The following LINGO1 variants were observed in gnomAD, a reference collection of about 807,000 sequenced individuals.
The protein encoded by LINGO1 is leucine-rich repeat and immunoglobulin-like domain-containing nogo receptor-interacting protein 1.
A neutral mutation model predicts 37.3 loss-of-function variants in LINGO1; 11 were observed. The ratio of observed to expected loss-of-function variants is 0.29; its 90% CI spans 0.19 to 0.49. The LOEUF is 0.49. LINGO1 is among the 20% of genes least tolerant of loss of function. LINGO1 has a pLI of 0.99. For missense variants in LINGO1, 585 were observed against 878.2 expected, an observed-to-expected ratio of 0.67 and a Z score of 4.22; for synonymous variants, 387 against 403.0, an observed-to-expected ratio of 0.96 and a Z score of 0.48.
chr15:77,673,409 C>T (rs559888380), intron 3 of LINGO1, among the ~76,000 whole-genome samples: 197 of 151,066 alleles, frequency 1.3e-3, no homozygotes, highest in African/African-American at 4.4e-3. Flanking sequence ...AGATGCATTT[C>T]ACCGCCCCAA....
chr15:77,682,845 C>G (rs115071755), intron 2 of LINGO1, among the ~76,000 whole-genome samples: 2 of 152,072 alleles, frequency 1.3e-5, no homozygotes, highest in African/African-American at 2.4e-5. Flanking sequence ...CCAGGCCAGA[C>G]GCGAAACTCC....
intron 1 of LINGO1, among the ~76,000 whole-genome samples, chr15:77,744,778 C>G (rs1484082618): frequency 6.6e-6 from 1 of 152,164 alleles, no homozygotes; most frequent in African/African-American, 2.4e-5. Context: ...GCTGGACAGG[C>G]TGGCTCCAGA....
Position 77,661,127 on chromosome 15 carries a change from G to A in LINGO1, c.-13+15962C>T, listed in dbSNP as rs899279113. ...TGGCCTGGGTGGGCAGGCTGGGATG[G>A]GTTAGCTTCATCCCTTGCCCTCAGG... On this transcript the variant is annotated intron_variant, in intron 3 of 3. Coordinates refer to the LINGO1 transcript ENST00000559893. Among the ~76,000 whole-genome samples, 31 of 152,292 alleles carry A rather than the reference G, an allele frequency of 2.0e-4. 1 individual carries two copies. Among genetic ancestry groups the A allele is most frequent in the South Asian group, 2.1e-4 (1 of 4,822 alleles).
At chr15:77,728,757 C>T (rs1176665196) in intron 2 of LINGO1, among the ~76,000 whole-genome samples, 1 of 152,264 alleles carries the variant, frequency 6.6e-6, no homozygotes, top group Non-Finnish European at 1.5e-5. Flanking sequence ...CACTCTGCCA[C>T]TTAAGGACTG....
chr15:77,742,996 C>T (rs543949536), intron 1 of LINGO1, among the ~76,000 whole-genome samples: 4 of 152,316 alleles, frequency 2.6e-5, no homozygotes, highest in East Asian at 1.9e-4. Flanking sequence ...CGGTGGTGCA[C>T]GGGTGCACAG....
chr15:77,705,055 C>T (rs889931466), intron 2 of LINGO1, among the ~76,000 whole-genome samples: 1 of 152,026 alleles, frequency 6.6e-6, no homozygotes, highest in Admixed American at 6.5e-5. Context: ...GCCGGCTCAT[C>T]CCTGGCAGGG....
At chr15:77,753,203 G>T (rs2076388176) in intron 1 of LINGO1, among the ~76,000 whole-genome samples, 1 of 152,258 alleles carries the variant, frequency 6.6e-6, no homozygotes, top group African/African-American at 2.4e-5. Context: ...CACAGTAGGT[G>T]CTTGCCCAGT....
intron 1 of LINGO1, among the ~76,000 whole-genome samples, chr15:77,618,833 GA>G (rs1244021545): frequency 0.83 from 20 of 24 alleles, 10 homozygotes; most frequent in African/African-American, 1. Context: ...CTGACCTCGT[GA>G]TCCGCCCGCC....
chr15:77,687,606 C>G (rs2075533977), intron 2 of LINGO1, among the ~76,000 whole-genome samples: 1 of 152,216 alleles, frequency 6.6e-6, no homozygotes, highest in Non-Finnish European at 1.5e-5. Flanking sequence ...CCCCACCTAG[C>G]CTTCAAAAAC....
At chr15:77,720,321 C>A (rs1353359709) in intron 2 of LINGO1, among the ~76,000 whole-genome samples, 1 of 152,376 alleles carries the variant, frequency 6.6e-6, no homozygotes, top group East Asian at 1.9e-4. Flanking sequence ...GTGCCCCGGC[C>A]TGTCCCGCCC....
intron 1 of LINGO1, among the ~76,000 whole-genome samples, chr15:77,623,952 A>G: frequency 7.6e-6 from 1 of 132,380 alleles, no homozygotes; most frequent in African/African-American, 3.0e-5. Context: ...TGTGGTGTGT[A>G]AGCAGTCTCT....
At chr15:77,759,175 A>G (rs1330161698) in intron 1 of LINGO1, among the ~76,000 whole-genome samples, 1 of 152,206 alleles carries the variant, frequency 6.6e-6, no homozygotes, top group African/African-American at 2.4e-5. Context: ...GCAGCCACCC[A>G]TGCACACGCA....
chr15:77,795,335 C>T (rs2076864208), intron 2 of LINGO1, among the ~76,000 whole-genome samples: 1 of 152,170 alleles, frequency 6.6e-6, no homozygotes, highest in South Asian at 2.1e-4. Context: ...CTGTCGCCTC[C>T]CACATTCTGG....
intron 1 of LINGO1, among the ~76,000 whole-genome samples, chr15:77,807,353 C>T (rs2076968602): frequency 6.6e-6 from 1 of 152,190 alleles, no homozygotes; most frequent in Admixed American, 6.5e-5. Flanking sequence ...TGGCAAAGTG[C>T]CTGGCTGCCA....
chr15:77,652,600 C>T (rs1292730821), intron 3 of LINGO1, among the ~76,000 whole-genome samples: 1 of 151,974 alleles, frequency 6.6e-6, no homozygotes, highest in Non-Finnish European at 1.5e-5. Context: ...CACTCACGCC[C>T]ACTCCAGACA....
intron 2 of LINGO1, among the ~76,000 whole-genome samples, chr15:77,793,949 C>T (rs2076837494): frequency 6.6e-6 from 1 of 152,196 alleles, no homozygotes; most frequent in South Asian, 2.1e-4. Context: ...GACTTCAAGG[C>T]TTAGCCCAGG....
intron 3 of LINGO1, among the ~76,000 whole-genome samples, chr15:77,661,972 C>A (rs2075003815): frequency 6.6e-6 from 1 of 152,230 alleles, no homozygotes; most frequent in African/African-American, 2.4e-5. Context: ...GCTGCCTGCA[C>A]CCACCCTGCC....
At chr15:77,735,759 C>A (rs2076197981) in intron 1 of LINGO1, among the ~76,000 whole-genome samples, 1 of 152,206 alleles carries the variant, frequency 6.6e-6, no homozygotes, top group African/African-American at 2.4e-5. Flanking sequence ...TTGGGGATCA[C>A]ACTTTGAGAA....
intron 2 of LINGO1, among the ~76,000 whole-genome samples, chr15:77,708,669 T>C (rs62009152): frequency 0.19 from 28,147 of 152,088 alleles, 3,056 homozygotes; most frequent in Middle Eastern, 0.27. Context: ...CTTTGGGACT[T>C]TGGGAGGCCA....
Sources: gnomAD v4.1 joint callset for allele counts (sites outside exome capture counted in the v4.1 genomes callset) on GRCh38, gnomAD v4.1.1 for gene constraint, MANE v1.5 for transcripts, NCBI Gene and HGNC (gene_info 2026-07-23, HGNC 2026-07-21) for gene names.